The following TMEM67 variants were observed in gnomAD, a reference collection of about 807,000 sequenced individuals.
TMEM67 encodes meckelin.
TMEM67 carries 124 observed loss-of-function variants against 136.6 expected under a neutral mutation model. The observed-to-expected ratio is 0.91, with a 90% CI of 0.78 to 1.05. The LOEUF is 1.05. TMEM67 is among the 50% of genes least tolerant of loss of function. TMEM67 has a pLI of 0.00. For missense variants in TMEM67, 1,107 were observed against 1,178.4 expected (o/e 0.94, Z 0.89); for synonymous variants, 364 against 390.5 (o/e 0.93, Z 0.80).
chr8:93,781,064 T>C, intron 9 of TMEM67, 82 bp downstream of exon 9: 1 of 959,648 alleles, frequency 1.0e-6, no homozygotes, highest in Non-Finnish European at 1.7e-6. Context: ...ATTCTTGCCT[T>C]TTTAGGTTGT....
At chr8:93,802,481 C>T (rs1436405393) in intron 21 of TMEM67, among the ~76,000 whole-genome samples, 2 of 152,224 alleles carry the variant, frequency 1.3e-5, no homozygotes, top group African/African-American at 2.4e-5. Context: ...CATCTAACTT[C>T]ATTCTTTGCT....
chr8:93,767,145 T>A (rs1295632493), intron 6 of TMEM67, among the ~76,000 whole-genome samples: 1 of 152,196 alleles, frequency 6.6e-6, no homozygotes, highest in Non-Finnish European at 1.5e-5. Context: ...CTTTCATGAA[T>A]GCAACAGTTT....
At chr8:93,794,137 AC>A (rs1280920294) in intron 16 of TMEM67, among the ~76,000 whole-genome samples, 1 of 151,936 alleles carries the variant, frequency 6.6e-6, no homozygotes, top group East Asian at 1.9e-4. Flanking sequence ...TGATCCGCCC[AC>A]CTCAGCCTCC....
At position 93,780,623 on chromosome 8, in the gene TMEM67, C is replaced by T; in HGVS notation, c.745C>T (p.Leu249Phe). The T allele has an allele frequency of 6.2e-7, 1 of 1,614,098 alleles. No homozygotes were observed. Among genetic ancestry groups the T allele is most frequent in the Non-Finnish European group, 8.5e-7 (1 of 1,180,024 alleles). Residue 249 changes from leucine (L) to phenylalanine (F), a missense_variant, in exon 8 of 28, where the codon CTT becomes TTT. Around this residue, in one of 3 missense-constraint regions of TMEM67, gnomAD observed 925 missense variants for 1,002.4 expected, o/e 0.92. Transcript: ENST00000453321. ...VYANLTSCQA[L>F]GNMCVMNMNS... Reference sequence around the variant, plus strand: ...TGCCAATCTAACATCTTGTCAAGCTCTTGGAAATATGTGTGTGATGAACAT... The same window carrying T: ...TGCCAATCTAACATCTTGTCAAGCTTTTGGAAATATGTGTGTGATGAACAT...
intron 3 of TMEM67, among the ~76,000 whole-genome samples, chr8:93,760,677 C>CAA (rs111765822): frequency 1.2e-4 from 15 of 127,260 alleles, no homozygotes; most frequent in East Asian, 8.4e-4. Context: ...TCTGTGTCTA[C>CAA]AAAAAAAAAA....
intron 11 of TMEM67, among the ~76,000 whole-genome samples, chr8:93,782,919 AT>A (rs1032698352): frequency 1.3e-5 from 2 of 152,038 alleles, no homozygotes; most frequent in Non-Finnish European, 2.9e-5. Flanking sequence ...ATTTAATATA[AT>A]TTTTTATTAC....
rs778155409 is a variant in TMEM67, at chr8:93,786,321, C to T, written c.1387C>T (p.Arg463Ter). ...NDLGTQPRVI[R>*]VATQISLSVH... ...CTTAGGAACTCAGCCAAGAGTAATT[C>T]GAGTTGCTACTCAAATATCACTGAG... The change falls in exon 13 of 28, where the codon CGA becomes TGA. Residue 463 changes from arginine to a stop codon, truncating the protein, a stop_gained. Coordinates refer to ENST00000453321, the MANE Select transcript of TMEM67 (RefSeq NM_153704.6). LOFTEE classifies it high-confidence loss of function. 4.3e-6 allele frequency: 7 copies of T among 1,613,708 alleles called. No homozygotes were observed. The highest frequency in any genetic ancestry group is 3.3e-5 in the South Asian group (3 of 91,058).
At chr8:93,768,886 G>C (rs1434499148) in intron 6 of TMEM67, among the ~76,000 whole-genome samples, 1 of 151,716 alleles carries the variant, frequency 6.6e-6, no homozygotes, top group Non-Finnish European at 1.5e-5. Context: ...GGGAGGAACT[G>C]TTCCATCCTT....
intron 22 of TMEM67, among the ~76,000 whole-genome samples, chr8:93,804,296 TTC>T (rs1815003514): frequency 9.0e-6 from 1 of 110,900 alleles, no homozygotes; most frequent in Admixed American, 1.1e-4. Flanking sequence ...TTCTTTTCTT[TTC>T]TCTTTTCTTT....
chr8:93,788,500 T>A (rs1586055079), intron 14 of TMEM67, among the ~76,000 whole-genome samples: 1 of 152,014 alleles, frequency 6.6e-6, no homozygotes, highest in Non-Finnish European at 1.5e-5. Context: ...GAGGCGAAGG[T>A]GTAGTGAGCC....
chr8:93,809,531 A>G (rs543571443), intron 25 of TMEM67, among the ~76,000 whole-genome samples: 7 of 152,284 alleles, frequency 4.6e-5, no homozygotes, highest in Admixed American at 2.0e-4. Flanking sequence ...CTATGATTGT[A>G]TTTCTAAAAA....
intron 23 of TMEM67, among the ~76,000 whole-genome samples, chr8:93,808,559 A>C (rs1041638399): frequency 3.4e-5 from 2 of 58,524 alleles, no homozygotes; most frequent in African/African-American, 1.0e-4. Flanking sequence ...TATCTATAAT[A>C]TATCTATTAT....
chr8:93,803,414 A>G (rs1381888921), intron 21 of TMEM67, among the ~76,000 whole-genome samples, 190 bp from the exon 22 acceptor site: 1 of 152,230 alleles, frequency 6.6e-6, no homozygotes, highest in Non-Finnish European at 1.5e-5. Flanking sequence ...ATGACTCAAC[A>G]CAATTCTAAA....
At position 93,809,768 on chromosome 8, in the gene TMEM67, GTCTTTT is replaced by G. The variant is rs1808621543; in HGVS notation, c.2662-11_2662-6del. On this transcript the variant is annotated splice_polypyrimidine_tract_variant and intron_variant, in intron 25 of 27. Transcript: ENST00000453321. ...TCACTACTGTTTGTGAAATGATGCT[GTCTTTT>G]TCTTTATTAGGTTCATAAGGAAATG... 7.2e-7 allele frequency: 1 copy of G among 1,392,764 alleles called. No homozygotes were observed. The highest frequency in any genetic ancestry group is 2.3e-5 in the East Asian group (1 of 43,590). 86.3% of individuals were successfully genotyped at this position (1,392,764 alleles called of 1,614,324 possible).
chr8:93,775,572 G>T (rs1200880419), intron 7 of TMEM67, among the ~76,000 whole-genome samples: 2 of 152,088 alleles, frequency 1.3e-5, no homozygotes, highest in African/African-American at 2.4e-5. Flanking sequence ...TCTACATATG[G>T]CTAGCCAGTT....
chr8:93,792,760 T>C (rs1223677679), intron 15 of TMEM67, among the ~76,000 whole-genome samples: 1 of 151,288 alleles, frequency 6.6e-6, no homozygotes, highest in Non-Finnish European at 1.5e-5. Context: ...CCAACTTGAC[T>C]CCTGTGTCCT....
At chr8:93,793,368 C>G (rs1167260738) in intron 16 of TMEM67, 72 bp downstream of exon 16, 3 of 1,267,454 alleles carry the variant, frequency 2.4e-6, no homozygotes, top group Non-Finnish European at 3.4e-6. Context: ...TAAGACACAG[C>G]TAGAGAATAA....
intron 23 of TMEM67, among the ~76,000 whole-genome samples, chr8:93,806,528 A>G (rs1815157733): frequency 1.3e-5 from 2 of 152,312 alleles, no homozygotes; most frequent in South Asian, 2.1e-4. Flanking sequence ...TGAGTAGTTT[A>G]CTATTCTCTC....
chr8:93,827,764 CT>C, the TMEM67 span, among the ~76,000 whole-genome samples: 233 of 141,460 alleles, frequency 1.6e-3, no homozygotes, highest in Middle Eastern at 3.7e-3. Flanking sequence ...GGCTTCCCTT[CT>C]TTTTTTTTTT....
Sources: gnomAD v4.1 joint callset for allele counts (sites outside exome capture counted in the v4.1 genomes callset) on GRCh38, gnomAD v4.1.1 for gene constraint, gnomAD v4.1.1 regional missense constraint, MANE v1.5 for transcripts, NCBI Gene and HGNC (gene_info 2026-07-23, HGNC 2026-07-21) for gene names.